The following MOCOS variants were observed in gnomAD, a reference collection of about 807,000 sequenced individuals.
MOCOS encodes human molybdenum cofactor sulfurase.
Under a neutral mutation model 83.6 loss-of-function variants are expected in MOCOS, and 86 were observed. The observed-to-expected ratio is 1.03, with a 90% CI of 0.86 to 1.23. MOCOS has a LOEUF of 1.23. MOCOS is among the 50% of genes most tolerant of loss of function. The pLI is 0.00. For synonymous variants in MOCOS, 445 were observed against 434.7 expected, an observed-to-expected ratio of 1.02 and a Z score of -0.29; for missense variants, 1,120 against 1,126.9, an observed-to-expected ratio of 0.99 and a Z score of 0.09.
intron 9 of MOCOS, among the ~76,000 whole-genome samples, chr18:36,243,791 G>A (rs11876206): frequency 0.057 from 8,623 of 151,934 alleles, 823 homozygotes; most frequent in African/African-American, 0.2. Flanking sequence ...TTTCAGTCTC[G>A]CTACTTGTTA....
intron 9 of MOCOS, among the ~76,000 whole-genome samples, chr18:36,234,263 T>C (rs773716987): frequency 1.3e-5 from 2 of 152,242 alleles, no homozygotes; most frequent in Non-Finnish European, 2.9e-5. Context: ...TGGCCAGTTA[T>C]CCCAGCACCA....
chr18:36,248,874 T>C, intron 9 of MOCOS, 48 bp from the exon 10 acceptor site: 3 of 1,472,872 alleles, frequency 2.0e-6, no homozygotes, highest in Non-Finnish European at 9.5e-7. Context: ...GTCAAGTAGC[T>C]GTTGTTTTTA....
intron 1 of MOCOS, among the ~76,000 whole-genome samples, chr18:36,190,955 G>T (rs1369489764): frequency 6.9e-6 from 1 of 145,966 alleles, no homozygotes; most frequent in Non-Finnish European, 1.5e-5. Context: ...GGAGGTGGAG[G>T]TTGCAGTGAG....
intron 9 of MOCOS, among the ~76,000 whole-genome samples, chr18:36,233,767 T>A (rs2091547351): frequency 1.3e-5 from 2 of 152,232 alleles, no homozygotes; most frequent in Admixed American, 6.5e-5. Context: ...TGGTTTTGAT[T>A]TGCATTTCCC....
intron 4 of MOCOS, 28 bp from the exon 5 acceptor site, chr18:36,203,085 A>C: frequency 1.2e-6 from 2 of 1,602,416 alleles, no homozygotes; most frequent in Non-Finnish European, 1.7e-6. Flanking sequence ...CCACAGCTTG[A>C]CCTGTTCTCC....
chr18:36,189,093 TCTC>T (rs139744660), intron 1 of MOCOS, among the ~76,000 whole-genome samples: 22,224 of 151,660 alleles, frequency 0.15, 1,813 homozygotes, highest in East Asian at 0.31. Flanking sequence ...ATCCCCTAAA[TCTC>T]CTCCAGCTGT....
rs775694769 is a variant in MOCOS at position 36,260,064 on chromosome 18, C to T, written c.2298C>T (p.Phe766=). The T allele has an allele frequency of 6.2e-7, 1 of 1,614,196 alleles. No homozygotes were observed. The highest frequency in any genetic ancestry group is 8.5e-7 in the Non-Finnish European group (1 of 1,180,036). ...ATGAGAATGGAAAGGAGGAATTATT[C>T]TCACTGAAGGATCTCAGCTTGCGTT... The part of the protein sequence containing the change: ...TSDENGKEEL[F]SLKDLSLRFR... The change falls in exon 13 of 15, where the codon TTC becomes TTT. Residue 766 remains phenylalanine (F), a synonymous_variant. Transcript: ENST00000261326.
intron 1 of MOCOS, among the ~76,000 whole-genome samples, chr18:36,188,286 C>A (rs1049675172): frequency 1.3e-5 from 2 of 152,268 alleles, no homozygotes; most frequent in Non-Finnish European, 2.9e-5. Context: ...CTCCAGTTCT[C>A]TGGGGGACTA....
chr18:36,212,270 G>GT (rs774155206), intron 6 of MOCOS, among the ~76,000 whole-genome samples: 1 of 152,194 alleles, frequency 6.6e-6, no homozygotes, highest in Non-Finnish European at 1.5e-5. Flanking sequence ...AATGGTTGTT[G>GT]TTTTATTCTC....
chr18:36,212,178 C>G (rs1251131001), intron 6 of MOCOS, among the ~76,000 whole-genome samples: 1 of 152,204 alleles, frequency 6.6e-6, no homozygotes, highest in Non-Finnish European at 1.5e-5. Flanking sequence ...AGCTGAGACT[C>G]CAGACATTTT....
intron 9 of MOCOS, among the ~76,000 whole-genome samples, chr18:36,235,618 A>G (rs1224037707): frequency 1.6e-4 from 24 of 147,584 alleles, no homozygotes; most frequent in Non-Finnish European, 3.1e-4. Flanking sequence ...TTATAGCAGC[A>G]TGATTTATAG....
chr18:36,211,977 C>A (rs1353956186), intron 6 of MOCOS, among the ~76,000 whole-genome samples: 2 of 152,198 alleles, frequency 1.3e-5, no homozygotes, highest in Non-Finnish European at 2.9e-5. Context: ...GCTACTGTCT[C>A]GAGCCCTGAG....
intron 9 of MOCOS, among the ~76,000 whole-genome samples, chr18:36,227,289 T>C (rs2091521137): frequency 6.6e-6 from 1 of 152,136 alleles, no homozygotes; most frequent in Non-Finnish European, 1.5e-5. Flanking sequence ...TGGAGTGCAG[T>C]GACATGATCA....
At chr18:36,205,827 C>T (rs1436412884) in intron 6 of MOCOS, among the ~76,000 whole-genome samples, 1 of 152,150 alleles carries the variant, frequency 6.6e-6, no homozygotes, top group Non-Finnish European at 1.5e-5. Context: ...GCAACCTCCA[C>T]CTCTTGGGTT....
intron 3 of MOCOS, 37 bp downstream of exon 3, chr18:36,198,793 T>A (rs1159552906): frequency 6.2e-7 from 1 of 1,602,516 alleles, no homozygotes. Flanking sequence ...TGGGCATACC[T>A]AGGCAGACAG....
intron 9 of MOCOS, among the ~76,000 whole-genome samples, chr18:36,244,425 A>G (rs996503652): frequency 1.3e-5 from 2 of 152,086 alleles, no homozygotes; most frequent in Non-Finnish European, 2.9e-5. Context: ...ATGTCTTTGT[A>G]TAGTTTCGAG....
intron 7 of MOCOS, among the ~76,000 whole-genome samples, chr18:36,213,701 G>A (rs1280233930): frequency 6.6e-6 from 1 of 152,204 alleles, no homozygotes; most frequent in East Asian, 1.9e-4. Context: ...GGCCGAGGCA[G>A]GTGGATCACC....
chr18:36,254,627 G>A (rs1253516321), intron 11 of MOCOS, among the ~76,000 whole-genome samples: 1 of 150,806 alleles, frequency 6.6e-6, no homozygotes, highest in Non-Finnish European at 1.5e-5. Flanking sequence ...ATATATATAT[G>A]AACGAACTGT....
At position 36,256,952 on chromosome 18, in the gene MOCOS, G is replaced by A. The variant is rs768416660; in HGVS notation, c.2165-16G>A. ...TGAGAAAGCAACTCTTCTTTTAAAT[G>A]CTCCATCATTTTCAGATCAACTTCC... On this transcript the variant is annotated splice_polypyrimidine_tract_variant and intron_variant, in intron 11 of 14. Transcript: ENST00000261326. The A allele has an allele frequency of 1.3e-6, 2 of 1,595,520 alleles. No homozygotes were observed. The highest frequency in any genetic ancestry group is 1.7e-6 in the Non-Finnish European group (2 of 1,163,154).
Sources: allele counts gnomAD v4.1 joint callset (sites outside exome capture counted in the v4.1 genomes callset), GRCh38; gene constraint gnomAD v4.1.1; transcripts MANE v1.5; gene names NCBI Gene and HGNC (gene_info 2026-07-23, HGNC 2026-07-21).